GPRIN3: variants seen among roughly 807,000 people sequenced by gnomAD.
The protein encoded by GPRIN3 is GPRIN family member 3, also known as G protein-regulated inducer of neurite outgrowth 3.
A neutral mutation model predicts 13.7 loss-of-function variants in GPRIN3; 12 were observed. The observed-to-expected ratio is 0.87, with a 90% CI of 0.56 to 1.42. The LOEUF (loss-of-function observed/expected upper bound fraction) is 1.42, where lower values mean the gene tolerates loss of function less well. Among genes scored for constraint, GPRIN3 ranks in the 40% most tolerant of loss-of-function variants. GPRIN3 has a pLI of 0.00. For synonymous variants in GPRIN3, 377 were observed against 372.7 expected (o/e 1.01, Z -0.13); for missense variants, 1,009 against 958.7 (o/e 1.05, Z -0.69).
At chr4:89,288,297 T>C (rs1321236570) in intron 1 of GPRIN3, among the ~76,000 whole-genome samples, 4 of 152,218 alleles carry the variant, frequency 2.6e-5, no homozygotes, top group Non-Finnish European at 5.9e-5. Context: ...AGATCAAGAA[T>C]AAAATATAAT....
At chr4:89,294,725 A>G (rs1338746440) in intron 1 of GPRIN3, among the ~76,000 whole-genome samples, 1 of 152,212 alleles carries the variant, frequency 6.6e-6, no homozygotes, top group African/African-American at 2.4e-5. Context: ...TCACTGTTAT[A>G]TAGAAACTCC....
intron 1 of GPRIN3, among the ~76,000 whole-genome samples, chr4:89,254,165 G>C (rs1021101766): frequency 6.9e-6 from 1 of 145,028 alleles, no homozygotes; most frequent in Non-Finnish European, 1.5e-5. Flanking sequence ...TGTGTGTCCT[G>C]CATGGTTTTC....
rs181827137 is a variant in GPRIN3, at chr4:89,283,552, G to T, written c.-124+24063C>A. On this transcript the variant is annotated intron_variant, in intron 1 of 1. Transcript: ENST00000609438. ...CACCTTCAGGAAGTTCATATCTAGTGGGGGAGGCAGAAACATAAAGGGAGA... is the reference window on the plus strand; with the variant it reads ...CACCTTCAGGAAGTTCATATCTAGTTGGGGAGGCAGAAACATAAAGGGAGA... 6.8e-4 allele frequency among the ~76,000 whole-genome samples: 104 copies of T among 152,286 alleles called. 1 individual carries two copies. In the South Asian group the frequency reaches 0.015, roughly 22 times the overall value.
chr4:89,292,572 TG>T (rs1394311619), intron 1 of GPRIN3, among the ~76,000 whole-genome samples: 5 of 152,172 alleles, frequency 3.3e-5, no homozygotes, highest in African/African-American at 1.2e-4. Flanking sequence ...AAAAAGAGGT[TG>T]AGGGTCACTG....
Position 89,270,589 on chromosome 4 carries a change from A to G in GPRIN3, c.-123-20356T>C, listed in dbSNP as rs1270827334. On this transcript the variant is annotated intron_variant, in intron 1 of 1. Transcript: ENST00000609438. ...TTTATATATATATATATATATATAT[A>G]TATATATATATAAAATATAGATATA... is the stretch of plus-strand genomic sequence containing the variant. Among the ~76,000 whole-genome samples, 7 of 126,568 alleles carry G rather than the reference A, an allele frequency of 5.5e-5. 1 individual carries two copies. The highest frequency in any genetic ancestry group is 9.4e-5 in the Non-Finnish European group (6 of 63,864). The allele number at this position is 126,568 out of a possible 152,430, so 83.0% of individuals were successfully genotyped here.
intron 1 of GPRIN3, among the ~76,000 whole-genome samples, chr4:89,270,916 T>C (rs974126208): frequency 6.6e-6 from 1 of 152,042 alleles, no homozygotes; most frequent in African/African-American, 2.4e-5. Context: ...AAGTGGAAAC[T>C]GAAAGAGAAG....
At position 89,247,620 on chromosome 4, in the gene GPRIN3, C is replaced by T; in HGVS notation, c.*160G>A. 2 of 595,686 alleles carry T rather than the reference C, an allele frequency of 3.4e-6. No individual in the cohort carries two copies. Among genetic ancestry groups the T allele is most frequent in the Non-Finnish European group, 5.6e-6 (2 of 356,340 alleles). The allele number at this position is 595,686 out of a possible 1,614,324, so 36.9% of individuals were successfully genotyped here. A position where few individuals can be genotyped will look rare whatever the true frequency, so the allele number is the denominator to read the frequency against. On this transcript the variant is annotated 3_prime_UTR_variant, in exon 2 of 2. Transcript: ENST00000609438. The stretch of plus-strand genomic sequence containing the variant: ...TGAAATGACATTTTTGTTTATAGAG[C>T]TCCAGGTCAAAGGATCTAACAATTT...
At chr4:89,303,531 A>G (rs555675152) in intron 1 of GPRIN3, among the ~76,000 whole-genome samples, 3 of 152,326 alleles carry the variant, frequency 2.0e-5, no homozygotes, top group Middle Eastern at 3.4e-3. Context: ...CAGTATTAGG[A>G]AAATAGATCT....
chr4:89,291,927 TA>T (rs2110015728), intron 1 of GPRIN3, among the ~76,000 whole-genome samples: 1 of 151,818 alleles, frequency 6.6e-6, no homozygotes, highest in East Asian at 1.9e-4. Context: ...TCTATTTTGA[TA>T]CTCAGCCCAC....
At chr4:89,272,080 A>C (rs1723968186) in intron 1 of GPRIN3, among the ~76,000 whole-genome samples, 1 of 152,144 alleles carries the variant, frequency 6.6e-6, no homozygotes, top group South Asian at 2.1e-4. Flanking sequence ...CGGAACCTTG[A>C]CCTTGGACTT....
At chr4:89,282,645 T>A (rs1252173101) in intron 1 of GPRIN3, among the ~76,000 whole-genome samples, 1 of 151,824 alleles carries the variant, frequency 6.6e-6, no homozygotes, top group African/African-American at 2.4e-5. Context: ...GTGTGTTTTA[T>A]GTGTTGCCCA....
rs1300486346 is a variant in GPRIN3 at position 89,263,151 on chromosome 4, T to C, written c.-123-12918A>G. ...ATACTAACTGGTCTCATTCAGTCAA[T>C]GCTAAACACTTACCCGCCACTTGCT... On this transcript the variant is annotated intron_variant, in intron 1 of 1. Coordinates refer to ENST00000609438, the MANE Select transcript of GPRIN3 (RefSeq NM_198281.3). Among the ~76,000 whole-genome samples the C allele has an allele frequency of 3.3e-5, 5 of 152,316 alleles. No homozygotes were observed. The East Asian group carries it at 7.7e-4, about 23-fold the overall frequency.
At position 89,249,709 on chromosome 4, in the gene GPRIN3, G is replaced by A. The variant is rs200971478; in HGVS notation, c.402C>T (p.Thr134=). The A allele has an allele frequency of 2.5e-4, 408 of 1,614,206 alleles. 2 individuals carry two copies. The South Asian group carries it at 4.2e-3, about 17-fold the overall frequency. ...TPLTMPANQH[T]CQSIPGDQPN... The stretch of plus-strand genomic sequence containing the variant: ...GCTGATCACCTGGGATGGACTGGCA[G>A]GTGTGCTGATTGGCGGGCATTGTCA... The change falls in exon 2 of 2, where the codon ACC becomes ACT. Residue 134 remains threonine (T), a synonymous_variant. Transcript: ENST00000609438.
In GPRIN3 at chr4:89,248,427, G is replaced by A. The variant is rs1341377739; in HGVS notation, c.1684C>T (p.Leu562=). ...TCTTGGGATTTAGGATTGAGCAGTAGGGTTTTGGCATCCGAGGTATCAGTG... is the reference window on the plus strand; with the variant it reads ...TCTTGGGATTTAGGATTGAGCAGTAAGGTTTTGGCATCCGAGGTATCAGTG... ...TGTDTSDAKT[L]LLNPKSQESG... is the part of the protein sequence containing the mutation. Residue 562 remains leucine, a synonymous_variant, in exon 2 of 2, where the codon CTA becomes TTA. Coordinates refer to ENST00000609438, the MANE Select transcript of GPRIN3 (RefSeq NM_198281.3). 1.9e-6 allele frequency: 3 copies of A among 1,614,028 alleles called. No homozygotes were observed. The highest frequency in any genetic ancestry group is 2.5e-6 in the Non-Finnish European group (3 of 1,180,004).
chr4:89,247,272 A>G lies in GPRIN3; in HGVS notation c.*508T>C, dbSNP rs955461073. 3.3e-5 allele frequency: 5 copies of G among 152,294 alleles called. No individual in the cohort carries two copies. The highest frequency in any genetic ancestry group is 1.3e-4 in the Admixed American group (2 of 15,292). 9.4% of individuals were successfully genotyped at this position (152,294 alleles called of 1,614,324 possible). ...CTAGGAATGAATCAAATATGTTCTC[A>G]TTTTTTTCATTATGGTTCTTATCAC... is the stretch of plus-strand genomic sequence containing the variant. On this transcript the variant is annotated 3_prime_UTR_variant, in exon 2 of 2. Coordinates refer to ENST00000609438, the MANE Select transcript of GPRIN3 (RefSeq NM_198281.3).
chr4:89,270,787 T>C (rs1050847891), intron 1 of GPRIN3, among the ~76,000 whole-genome samples: 2 of 151,168 alleles, frequency 1.3e-5, no homozygotes, highest in African/African-American at 4.9e-5. Context: ...AAGGTACACA[T>C]AGGAGAAACA....
Position 89,301,650 on chromosome 4 carries a change from G to T in GPRIN3, c.-124+5965C>A, listed in dbSNP as rs2110028179. On this transcript the variant is annotated intron_variant, in intron 1 of 1. Transcript: ENST00000609438. ...CAACTGATTTCTGAAAAACAATCAA[G>T]AATCTATTAACATAAAGCATCTGAT... 2.0e-5 allele frequency among the ~76,000 whole-genome samples: 3 copies of T among 152,240 alleles called. 1 individual carries two copies. The Middle Eastern group carries it at 0.01, about 518-fold the overall frequency.
At chr4:89,263,341 C>T (rs1723690719) in intron 1 of GPRIN3, among the ~76,000 whole-genome samples, 1 of 152,200 alleles carries the variant, frequency 6.6e-6, no homozygotes, top group Non-Finnish European at 1.5e-5. Flanking sequence ...GGTATGTTCT[C>T]TTATTGAGAT....
intron 1 of GPRIN3, among the ~76,000 whole-genome samples, chr4:89,295,848 T>A (rs1359844218): frequency 1.3e-5 from 2 of 152,200 alleles, no homozygotes; most frequent in East Asian, 1.9e-4. Flanking sequence ...CCATTTTTTT[T>A]AACTCAATAT....
Sources: gnomAD v4.1 joint callset for allele counts (sites outside exome capture counted in the v4.1 genomes callset) on GRCh38, gnomAD v4.1.1 for gene constraint, MANE v1.5 for transcripts, NCBI Gene and HGNC (gene_info 2026-07-23, HGNC 2026-07-21) for gene names.